The following ARB2A variants were observed in gnomAD, a reference collection of about 807,000 sequenced individuals.
The protein encoded by ARB2A is cotranscriptional regulator ARB2A.
At chr5:93,865,359 C>T in the ARB2A span, 1 of 983,394 alleles carries the variant, frequency 1.0e-6, no homozygotes, top group Non-Finnish European at 1.2e-6. Context: ...GGGATTACAG[C>T]ATGAGCCACC....
chr5:93,621,173 C>A, the ARB2A span: 1 of 1,545,368 alleles, frequency 6.5e-7, no homozygotes. Context: ...CCACGCGGGG[C>A]CAGGCGCGGT....
the ARB2A span, among the ~76,000 whole-genome samples, chr5:93,754,973 G>A: frequency 3.9e-5 from 6 of 152,132 alleles, no homozygotes; most frequent in Non-Finnish European, 8.8e-5. Flanking sequence ...TATTTGTTCC[G>A]TATAAACAGA....
chr5:93,909,359 G>A, the ARB2A span, among the ~76,000 whole-genome samples: 682 of 150,818 alleles, frequency 4.5e-3, 4 homozygotes, highest in African/African-American at 0.016. Flanking sequence ...TGAGATGTAT[G>A]ATTAACTTGT....
the ARB2A span, among the ~76,000 whole-genome samples, chr5:93,636,313 T>G: frequency 6.6e-6 from 1 of 152,234 alleles, no homozygotes; most frequent in Non-Finnish European, 1.5e-5. Context: ...TTTAAAATAC[T>G]GAGTGCTATA....
chr5:94,006,232 A>T, the ARB2A span, among the ~76,000 whole-genome samples: 1 of 152,214 alleles, frequency 6.6e-6, no homozygotes, highest in Non-Finnish European at 1.5e-5. Context: ...AACATGAAAC[A>T]TCCTGGATGA....
chr5:93,962,429 T>C, the ARB2A span, among the ~76,000 whole-genome samples: 1 of 152,196 alleles, frequency 6.6e-6, no homozygotes, highest in East Asian at 1.9e-4. Flanking sequence ...ATAGGCATGA[T>C]CATAATGTTT....
the ARB2A span, among the ~76,000 whole-genome samples, chr5:93,744,219 G>A: frequency 1.3e-5 from 2 of 151,784 alleles, no homozygotes; most frequent in Admixed American, 1.3e-4. Context: ...GGTGGATCAT[G>A]AAGTCAGGAG....
chr5:93,825,120 G>A, the ARB2A span, among the ~76,000 whole-genome samples: 24 of 152,288 alleles, frequency 1.6e-4, no homozygotes, highest in South Asian at 4.6e-3. Flanking sequence ...TGTTAAAAAT[G>A]TCCATTGAAA....
At chr5:93,953,171 G>A in the ARB2A span, among the ~76,000 whole-genome samples, 1 of 152,136 alleles carries the variant, frequency 6.6e-6, no homozygotes, top group Non-Finnish European at 1.5e-5. Context: ...TAGTTCACCT[G>A]GTGAGGTCAT....
the ARB2A span, among the ~76,000 whole-genome samples, chr5:93,868,674 C>T: frequency 6.6e-6 from 1 of 152,104 alleles, no homozygotes; most frequent in African/African-American, 2.4e-5. Context: ...TCACAAAACC[C>T]AGATGGACAG....
the ARB2A span, among the ~76,000 whole-genome samples, chr5:93,691,016 T>C: frequency 6.6e-6 from 1 of 152,038 alleles, no homozygotes; most frequent in Non-Finnish European, 1.5e-5. Context: ...AAACCCCTTC[T>C]GAAGGTCACC....
chr5:93,725,327 C>T, the ARB2A span, among the ~76,000 whole-genome samples: 11 of 151,808 alleles, frequency 7.2e-5, no homozygotes, highest in Admixed American at 1.3e-4. Context: ...AATTTATGGA[C>T]GAATTAATAC....
At chr5:93,754,320 C>G in the ARB2A span, among the ~76,000 whole-genome samples, 1 of 152,198 alleles carries the variant, frequency 6.6e-6, no homozygotes, top group African/African-American at 2.4e-5. Context: ...GTCTCCCTTA[C>G]TAGAATGTAA....
chr5:94,050,239 C>A, the ARB2A span, among the ~76,000 whole-genome samples: 2 of 150,142 alleles, frequency 1.3e-5, no homozygotes, highest in Admixed American at 1.3e-4. Context: ...CACAGCTCAC[C>A]TAAAAACAGA....
the ARB2A span, among the ~76,000 whole-genome samples, chr5:93,804,625 G>T: frequency 1.9e-3 from 289 of 151,798 alleles, no homozygotes; most frequent in Middle Eastern, 0.014. Context: ...TTTACCAGTG[G>T]GAGTTAATGC....
the ARB2A span, among the ~76,000 whole-genome samples, chr5:93,775,021 T>G: frequency 6.6e-6 from 1 of 152,122 alleles, no homozygotes; most frequent in South Asian, 2.1e-4. Context: ...CATATATACA[T>G]ATGTGCATGA....
the ARB2A span, among the ~76,000 whole-genome samples, chr5:93,774,110 G>C: frequency 5.3e-5 from 8 of 152,262 alleles, no homozygotes; most frequent in East Asian, 1.5e-3. Flanking sequence ...TACTGTAATT[G>C]TTTTGAGGTG....
chr5:93,790,979 G>A, the ARB2A span, among the ~76,000 whole-genome samples: 1 of 152,218 alleles, frequency 6.6e-6, no homozygotes. Flanking sequence ...AATAATGTCA[G>A]CTATTATTAT....
the ARB2A span, among the ~76,000 whole-genome samples, chr5:93,889,821 CA>C: frequency 6.6e-6 from 1 of 150,494 alleles, no homozygotes; most frequent in African/African-American, 2.4e-5. Flanking sequence ...GGAAAAAAGT[CA>C]TAAAAACCTG....
Sources: allele counts gnomAD v4.1 joint callset (sites outside exome capture counted in the v4.1 genomes callset), GRCh38; gene constraint gnomAD v4.1.1; transcripts MANE v1.5; gene names NCBI Gene and HGNC (gene_info 2026-07-23, HGNC 2026-07-21).